The following LNX1 variants were observed in gnomAD, a reference collection of about 807,000 sequenced individuals.
LNX1 encodes the protein E3 ubiquitin-protein ligase LNX.
LNX1 carries 54 observed loss-of-function variants against 68.4 expected under a neutral mutation model. That is an observed-to-expected ratio of 0.79 (90% CI 0.63 to 0.99). The LOEUF is 0.99. Among genes scored for constraint, LNX1 ranks in the 50% least tolerant of loss-of-function variants. LNX1 has a pLI of 0.00. For missense variants in LNX1, 906 were observed against 926.4 expected, an observed-to-expected ratio of 0.98 and a Z score of 0.29; for synonymous variants, 336 against 350.0, an observed-to-expected ratio of 0.96 and a Z score of 0.45.
In LNX1 at chr4:53,508,150, G is replaced by A. The variant is rs1485021177; in HGVS notation, c.458C>T (p.Ala153Val). The change falls in exon 3 of 11, where the codon GCG becomes GTG. Residue 153 changes from alanine (A) to valine (V), a missense_variant. Transcript: ENST00000263925. ...GGAGGGAGCCGTGGCTGTGAGGCTC[G>A]CACAGCCGTCTGGACAGCCATCTTG... ...RSQDGCPDGC[A>V]SLTATAPSPE... 4.3e-6 allele frequency: 7 copies of A among 1,613,932 alleles called. No homozygotes were observed. Among genetic ancestry groups the A allele is most frequent in the Admixed American group, 1.7e-5 (1 of 60,002 alleles).
intron 6 of LNX1, among the ~76,000 whole-genome samples, chr4:53,484,456 G>A (rs1347836675): frequency 2.6e-5 from 4 of 152,058 alleles, no homozygotes; most frequent in Admixed American, 6.6e-5. Flanking sequence ...CCAGCTACTC[G>A]GGAGGCTGCA....
intron 2 of LNX1, among the ~76,000 whole-genome samples, chr4:53,567,932 C>T (rs1378933664): frequency 7.2e-5 from 11 of 151,954 alleles, no homozygotes; most frequent in Non-Finnish European, 2.9e-5. Flanking sequence ...TACACTCTCC[C>T]AAGACTAAAC....
At chr4:53,576,474 C>A in intron 1 of LNX1, 2 of 1,322,838 alleles carry the variant, frequency 1.5e-6, no homozygotes, top group Non-Finnish European at 1.9e-6. Context: ...CCCAGGACAG[C>A]CCTGCCCTTC....
intron 1 of LNX1, among the ~76,000 whole-genome samples, chr4:53,648,975 G>T (rs1295537910): frequency 6.6e-6 from 1 of 152,118 alleles, no homozygotes; most frequent in Non-Finnish European, 1.5e-5. Flanking sequence ...AAGAGAGGAG[G>T]TCTCCTTAGC....
At chr4:53,564,882 G>T (rs1187818330) in intron 2 of LNX1, among the ~76,000 whole-genome samples, 4 of 152,218 alleles carry the variant, frequency 2.6e-5, no homozygotes, top group Admixed American at 6.5e-5. Context: ...AAAGAAAGGG[G>T]TGACAGACAG....
In LNX1 at chr4:53,460,901, T is replaced by TTGA. The variant is rs1238849880; in HGVS notation, c.*3_*5dup. 1 of 1,608,184 alleles carries TTGA rather than the reference T, an allele frequency of 6.2e-7. No homozygotes were observed. Among genetic ancestry groups the TTGA allele is most frequent in the Non-Finnish European group, 8.5e-7 (1 of 1,177,746 alleles). ...TTTTCTGTTTTCCTCTGACCCATCA[T>TTGA]TGATTCTATAAAAAAGTGCCAGGCC... On this transcript the variant is annotated 3_prime_UTR_variant, in exon 11 of 11. Coordinates refer to ENST00000263925, the MANE Select transcript of LNX1 (RefSeq NM_001126328.3).
In LNX1 at chr4:53,538,902, G is replaced by A. The variant is rs112177733; in HGVS notation, c.381-30675C>T. 1.9e-3 allele frequency among the ~76,000 whole-genome samples: 286 copies of A among 152,260 alleles called. 3 individuals are homozygous for A. Among genetic ancestry groups the A allele is most frequent in the African/African-American group, 6.5e-3 (272 of 41,554 alleles). The stretch of plus-strand genomic sequence containing the variant: ...GCGACAACATGTTCTGTAACTTCTG[G>A]AAGTAATCACAGGGAACAAGCCAAA... On this transcript the variant is annotated intron_variant, in intron 2 of 10. Coordinates refer to ENST00000263925, the MANE Select transcript of LNX1 (RefSeq NM_001126328.3).
chr4:53,632,140 C>G (rs1255486024), intron 1 of LNX1, among the ~76,000 whole-genome samples: 1 of 152,094 alleles, frequency 6.6e-6, no homozygotes, highest in African/African-American at 2.4e-5. Context: ...TATGAGGAGA[C>G]CTCCCCCAGC....
chr4:53,553,363 A>T (rs1729650239), intron 2 of LNX1, among the ~76,000 whole-genome samples: 1 of 152,178 alleles, frequency 6.6e-6, no homozygotes, highest in Admixed American at 6.5e-5. Context: ...CTTAAGCATG[A>T]AAATGGATGG....
chr4:53,480,213 A>T (rs1379239458), intron 7 of LNX1, among the ~76,000 whole-genome samples: 2 of 152,234 alleles, frequency 1.3e-5, no homozygotes, highest in Non-Finnish European at 1.5e-5. Flanking sequence ...TTGTGAGGAT[A>T]TTTCAGAAGT....
Position 53,560,229 on chromosome 4 carries a change from T to C in LNX1, c.380+13394A>G, listed in dbSNP as rs550015477. On this transcript the variant is annotated intron_variant, in intron 2 of 10. Transcript: ENST00000263925. ...TTGTGGACTTCATATTGGTATTGGA[T>C]TGTATTTCTGACGATCTTGGACATG... Among the ~76,000 whole-genome samples the C allele has an allele frequency of 2.6e-5, 4 of 152,294 alleles. No individual in the cohort carries two copies. In the East Asian group the frequency reaches 7.7e-4, roughly 29 times the overall value.
At chr4:53,510,795 T>C (rs2109530624) in intron 2 of LNX1, among the ~76,000 whole-genome samples, 1 of 152,330 alleles carries the variant, frequency 6.6e-6, no homozygotes, top group Admixed American at 6.5e-5. Flanking sequence ...CCATGTGCCC[T>C]GCCAGAATAG....
At chr4:53,529,002 T>C (rs888000627) in intron 2 of LNX1, among the ~76,000 whole-genome samples, 2 of 151,818 alleles carry the variant, frequency 1.3e-5, no homozygotes, top group Admixed American at 6.6e-5. Flanking sequence ...AGAATGCATA[T>C]TGATGTAGTT....
At chr4:53,528,223 T>G (rs746579587) in intron 2 of LNX1, among the ~76,000 whole-genome samples, 5 of 152,206 alleles carry the variant, frequency 3.3e-5, no homozygotes, top group Admixed American at 6.5e-5. Flanking sequence ...GCCAAAATAT[T>G]TAAGAAATAC....
chr4:53,570,504 G>T (rs1731069616), intron 2 of LNX1, among the ~76,000 whole-genome samples: 1 of 125,182 alleles, frequency 8.0e-6, no homozygotes. Context: ...TCACACTCTG[G>T]GGACTGTTGT....
At chr4:53,627,892 A>G (rs1310062112) in intron 1 of LNX1, among the ~76,000 whole-genome samples, 1 of 152,194 alleles carries the variant, frequency 6.6e-6, no homozygotes, top group East Asian at 1.9e-4. Flanking sequence ...GAGGGTTTCA[A>G]TGGGATGAAT....
intron 2 of LNX1, among the ~76,000 whole-genome samples, chr4:53,604,953 T>C (rs1733167748): frequency 6.6e-6 from 1 of 152,042 alleles, no homozygotes; most frequent in Admixed American, 6.6e-5. Context: ...ACAACCCGGG[T>C]GATTTGCAAA....
At chr4:53,585,868 A>C (rs1732140183) in intron 1 of LNX1, among the ~76,000 whole-genome samples, 1 of 152,086 alleles carries the variant, frequency 6.6e-6, no homozygotes, top group Non-Finnish European at 1.5e-5. Context: ...GGTATTTGTT[A>C]TGGCAGCCCT....
At chr4:53,504,996 A>C (rs1340076674) in intron 4 of LNX1, among the ~76,000 whole-genome samples, 1 of 152,244 alleles carries the variant, frequency 6.6e-6, no homozygotes, top group African/African-American at 2.4e-5. Flanking sequence ...TGTGACACAG[A>C]GACATGAAGT....
Sources: gnomAD v4.1 joint callset for allele counts (sites outside exome capture counted in the v4.1 genomes callset) on GRCh38, gnomAD v4.1.1 for gene constraint, MANE v1.5 for transcripts, NCBI Gene and HGNC (gene_info 2026-07-23, HGNC 2026-07-21) for gene names.